The following ALK variants were observed in gnomAD, a reference collection of about 807,000 sequenced individuals.
The protein encoded by ALK is ALK receptor tyrosine kinase.
ALK carries 74 observed loss-of-function variants against 163.1 expected under a neutral mutation model. The ratio of observed to expected loss-of-function variants is 0.45; its 90% CI spans 0.38 to 0.55. The LOEUF (loss-of-function observed/expected upper bound fraction) is 0.55, where lower values mean the gene tolerates loss of function less well. Among genes scored for constraint, ALK ranks in the 20% least tolerant of loss-of-function variants. The probability of loss-of-function intolerance (pLI) is 0.00; values close to 1 mark genes in which losing one functional copy is unlikely to be tolerated. For missense variants in ALK, 2,063 were observed against 2,105.3 expected (o/e 0.98, Z 0.39); for synonymous variants, 960 against 843.2 (o/e 1.14, Z -2.40).
chr2:29,264,226 T>C (rs1573173858), intron 11 of ALK, among the ~76,000 whole-genome samples: 1 of 152,324 alleles, frequency 6.6e-6, no homozygotes, highest in African/African-American at 2.4e-5. Context: ...TTCAGAGCTT[T>C]GGGTGTTGCA....
intron 11 of ALK, among the ~76,000 whole-genome samples, chr2:29,258,861 AT>A: frequency 6.6e-6 from 1 of 152,324 alleles, no homozygotes; most frequent in South Asian, 2.1e-4. Context: ...TTAAGTACAT[AT>A]TCTGGGTGCT....
chr2:29,243,401 G>A (rs901923136), intron 12 of ALK, among the ~76,000 whole-genome samples: 3 of 152,230 alleles, frequency 2.0e-5, no homozygotes, highest in Non-Finnish European at 4.4e-5. Flanking sequence ...ACCTACCTTG[G>A]AAGGCTGTTA....
At chr2:29,698,991 G>C (rs1477581632) in intron 2 of ALK, among the ~76,000 whole-genome samples, 1 of 152,090 alleles carries the variant, frequency 6.6e-6, no homozygotes, top group Admixed American at 6.6e-5. Context: ...TAATACCTTG[G>C]GACTTGCCTA....
chr2:29,486,935 A>G (rs1671787578), intron 4 of ALK, among the ~76,000 whole-genome samples: 2 of 152,234 alleles, frequency 1.3e-5, no homozygotes. Flanking sequence ...TCAACTGCCT[A>G]TGTAATTAAA....
intron 11 of ALK, among the ~76,000 whole-genome samples, chr2:29,255,519 CT>C (rs1664928546): frequency 6.6e-6 from 1 of 152,138 alleles, no homozygotes; most frequent in Admixed American, 6.5e-5. Flanking sequence ...TCTTCTGCAC[CT>C]CATTGTCCAG....
At chr2:29,504,368 G>A (rs1672260479) in intron 4 of ALK, among the ~76,000 whole-genome samples, 1 of 152,130 alleles carries the variant, frequency 6.6e-6, no homozygotes. Flanking sequence ...TTTATAGTGA[G>A]GTGGCCTGCT....
intron 3 of ALK, among the ~76,000 whole-genome samples, chr2:29,634,917 CTAA>C (rs1676478837): frequency 6.6e-6 from 1 of 152,144 alleles, no homozygotes; most frequent in African/African-American, 2.4e-5. Context: ...ACTCCTACAA[CTAA>C]TAAGTGAATT....
chr2:29,741,462 C>T (rs930965933), intron 1 of ALK, among the ~76,000 whole-genome samples: 1 of 152,062 alleles, frequency 6.6e-6, no homozygotes, highest in Non-Finnish European at 1.5e-5. Flanking sequence ...AATTTTGCTG[C>T]GAACCTAAAA....
intron 1 of ALK, among the ~76,000 whole-genome samples, chr2:29,779,744 A>C (rs967750320): frequency 6.6e-6 from 1 of 152,252 alleles, no homozygotes; most frequent in Admixed American, 6.5e-5. Flanking sequence ...TGGGCTTTAA[A>C]AACCAATCAA....
At chr2:29,849,066 G>A (rs1198384091) in intron 1 of ALK, among the ~76,000 whole-genome samples, 3 of 152,026 alleles carry the variant, frequency 2.0e-5, no homozygotes, top group Non-Finnish European at 2.9e-5. Context: ...TGCACACCAG[G>A]AGCGTCCTCG....
rs147315591 is a variant in ALK at position 29,248,008 on chromosome 2, T to C, written c.2204+3097A>G. Among the ~76,000 whole-genome samples, 92 of 152,324 alleles carry C rather than the reference T, an allele frequency of 6.0e-4. No homozygotes were observed. The East Asian group carries it at 0.017, about 28-fold the overall frequency. On this transcript the variant is annotated intron_variant, in intron 12 of 28. Transcript: ENST00000389048. ...TCAGTCATATTCTGACTTGGGGACA[T>C]TTTGAAGTGGTCTAAAAATCAAATC...
intron 4 of ALK, among the ~76,000 whole-genome samples, chr2:29,406,898 CA>C (rs11397203): frequency 1.9e-4 from 25 of 133,422 alleles, no homozygotes; most frequent in African/African-American, 2.3e-4. Flanking sequence ...GACTCCATCT[CA>C]AAAAAAAAAA....
chr2:29,619,183 T>A (rs1675952948), intron 3 of ALK, among the ~76,000 whole-genome samples: 2 of 152,182 alleles, frequency 1.3e-5, no homozygotes, highest in South Asian at 4.1e-4. Context: ...AAGGGTGATC[T>A]GTGACATTGG....
chr2:29,866,831 G>A (rs2148409864), intron 1 of ALK, among the ~76,000 whole-genome samples: 1 of 152,320 alleles, frequency 6.6e-6, no homozygotes, highest in Non-Finnish European at 1.5e-5. Flanking sequence ...CCACAATTCT[G>A]CATCAGCCTT....
At chr2:29,734,305 T>G (rs374185991) in intron 1 of ALK, among the ~76,000 whole-genome samples, 1 of 152,330 alleles carries the variant, frequency 6.6e-6, no homozygotes, top group East Asian at 1.9e-4. Context: ...TATGGAGATT[T>G]CATGTTGCCC....
At chr2:29,820,287 G>T (rs1665013212) in intron 1 of ALK, among the ~76,000 whole-genome samples, 1 of 152,186 alleles carries the variant, frequency 6.6e-6, no homozygotes. Context: ...GGGAGGAAGT[G>T]AGGACATGCC....
rs541838289 is a variant in ALK at position 29,729,800 on chromosome 2, G to A, written c.668-12103C>T. Among the ~76,000 whole-genome samples the A allele has an allele frequency of 3.9e-5, 6 of 152,006 alleles. No homozygotes were observed. The East Asian group carries it at 5.8e-4, about 15-fold the overall frequency. On this transcript the variant is annotated intron_variant, in intron 1 of 28. Coordinates refer to ENST00000389048, the MANE Select transcript of ALK (RefSeq NM_004304.5). ...AGAATATAATTTAAAATACACTTTC[G>A]GTTTTACTATAGAAAATCTGAAAAA... is the stretch of plus-strand genomic sequence containing the variant.
In ALK at chr2:29,694,920, G is replaced by A. The variant is rs369775025; in HGVS notation, c.882C>T (p.Pro294=). The change falls in exon 3 of 29, where the codon CCC becomes CCT. Residue 294 remains proline (P), a synonymous_variant. Coordinates refer to ENST00000389048, the MANE Select transcript of ALK (RefSeq NM_004304.5). The stretch of plus-strand genomic sequence containing the variant: ...AGTCCATCTGGGAGGCCTCCTCGGA[G>A]GGGATGCGGCGCCAGGACCAGCTCT... ...RNQSWSWRRI[P]SEEASQMDLL... is the part of the protein sequence containing the mutation. 1 of 1,614,132 alleles carries A rather than the reference G, an allele frequency of 6.2e-7. No homozygotes were observed. Among genetic ancestry groups the A allele is most frequent in the Non-Finnish European group, 8.5e-7 (1 of 1,180,008 alleles).
chr2:29,602,655 C>T (rs1394799462), intron 3 of ALK, among the ~76,000 whole-genome samples: 1 of 152,172 alleles, frequency 6.6e-6, no homozygotes, highest in Admixed American at 6.5e-5. Flanking sequence ...CTGCCTCCCT[C>T]AGGGGAGGTA....
Sources: gnomAD v4.1 joint callset for allele counts (sites outside exome capture counted in the v4.1 genomes callset) on GRCh38, gnomAD v4.1.1 for gene constraint, MANE v1.5 for transcripts, NCBI Gene and HGNC (gene_info 2026-07-23, HGNC 2026-07-21) for gene names.